Variants in PFKFB4 observed in about 807,000 individuals in gnomAD.
PFKFB4 encodes 6-phosphofructo-2-kinase/fructose-2,6-bisphosphatase 4.
PFKFB4 carries 42 observed loss-of-function variants against 62.8 expected under a neutral mutation model. That is an observed-to-expected ratio of 0.67 (90% CI 0.52 to 0.86). The LOEUF (loss-of-function observed/expected upper bound fraction) is 0.86. Ranked by LOEUF, PFKFB4 falls within the 40% of genes least tolerant of loss-of-function variation. The pLI is 0.00. For missense variants in PFKFB4, 475 were observed against 627.2 expected (o/e 0.76, Z 2.59); for synonymous variants, 204 against 240.7 (o/e 0.85, Z 1.41).
chr3:48,554,737 T>C (rs1343008569), intron 1 of PFKFB4, among the ~76,000 whole-genome samples: 1 of 152,176 alleles, frequency 6.6e-6, no homozygotes, highest in East Asian at 1.9e-4. Context: ...CCTCCGCTTA[T>C]TGAGGACCTA....
upstream of PFKFB4, among the ~76,000 whole-genome samples, chr3:48,560,513 C>T (rs530025919): frequency 2.0e-5 from 3 of 152,328 alleles, no homozygotes; most frequent in South Asian, 6.2e-4. Context: ...TGCCACAGGG[C>T]GTACAGTAGG....
chr3:48,531,451 T>A (rs1047560227), intron 9 of PFKFB4, among the ~76,000 whole-genome samples: 21 of 149,186 alleles, frequency 1.4e-4, no homozygotes, highest in Admixed American at 3.3e-4. Flanking sequence ...TTTTTTTTTT[T>A]AATTTTGAGA....
chr3:48,530,647 A>G (rs2042400074), intron 9 of PFKFB4, among the ~76,000 whole-genome samples: 1 of 152,194 alleles, frequency 6.6e-6, no homozygotes, highest in African/African-American at 2.4e-5. Context: ...TGATGAAAAA[A>G]GCTCTTGGGC....
upstream of PFKFB4, chr3:48,562,901 G>T (rs747949979): frequency 6.2e-6 from 10 of 1,605,376 alleles, no homozygotes; most frequent in African/African-American, 1.3e-4. The surrounding 1 kb of genome is among the most constrained non-coding windows in gnomAD (Gnocchi z 4.3). Context: ...GACATCCAGC[G>T]ATAGGACAAT....
At chr3:48,552,527 A>C (rs2043186943) in intron 1 of PFKFB4, among the ~76,000 whole-genome samples, 1 of 152,248 alleles carries the variant, frequency 6.6e-6, no homozygotes, top group East Asian at 1.9e-4. Flanking sequence ...AGGTGAGAGG[A>C]AAACAAGTTA....
At chr3:48,525,151 G>A (rs1272795920) in intron 10 of PFKFB4, among the ~76,000 whole-genome samples, 1 of 152,188 alleles carries the variant, frequency 6.6e-6, no homozygotes, top group African/African-American at 2.4e-5. Context: ...GGAAAGGGCT[G>A]ACAACTCGCT....
At chr3:48,548,041 G>C (rs2043017633) in intron 3 of PFKFB4, 1 of 152,242 alleles carries the variant, frequency 6.6e-6, no homozygotes, top group Admixed American at 6.5e-5. Context: ...GCAGCAATGA[G>C]CCTGTCCCCA....
intron 1 of PFKFB4, among the ~76,000 whole-genome samples, chr3:48,553,640 G>A (rs1235725969): frequency 6.6e-6 from 1 of 152,230 alleles, no homozygotes; most frequent in East Asian, 1.9e-4. Flanking sequence ...GCCTGGCAAT[G>A]GGCAGTGTCT....
upstream of PFKFB4, chr3:48,559,831 A>C (rs2043404237): frequency 5.8e-6 from 2 of 343,890 alleles, no homozygotes; most frequent in Non-Finnish European, 1.2e-5. Context: ...GCCAGTTCTC[A>C]AAGCTCAAAC....
chr3:48,549,972 G>A lies in PFKFB4; in HGVS notation c.215-12C>T, dbSNP rs892498478. ...GCCAACATTGAACTCTGGAGGGAAGGAGAGGCTCAGCTTTCACAGCAACAG... is the reference window on the plus strand; with the variant it reads ...GCCAACATTGAACTCTGGAGGGAAGAAGAGGCTCAGCTTTCACAGCAACAG... On this transcript the variant is annotated splice_polypyrimidine_tract_variant and intron_variant, in intron 2 of 13. Transcript: ENST00000232375. 6.3e-7 allele frequency: 1 copy of A among 1,599,534 alleles called. No individual in the cohort carries two copies. Among genetic ancestry groups the A allele is most frequent in the Non-Finnish European group, 8.6e-7 (1 of 1,166,668 alleles).
At chr3:48,539,453 G>T in intron 5 of PFKFB4, 143 bp from the exon 6 acceptor site, 2 of 789,372 alleles carry the variant, frequency 2.5e-6, no homozygotes, top group South Asian at 1.5e-5. Flanking sequence ...GCTTCAGAGG[G>T]CTGGAGGCGG....
rs997617535 is a variant in PFKFB4 at position 48,519,468 on chromosome 3, C to T, written c.*279G>A. Reference sequence around the variant, plus strand: ...CGAGAGTGAACACCTAAGAGCTGCGCCGGAAGAAACTGGGGCTGGGCAACC... The same window carrying T: ...CGAGAGTGAACACCTAAGAGCTGCGTCGGAAGAAACTGGGGCTGGGCAACC... On this transcript the variant is annotated 3_prime_UTR_variant, in exon 14 of 14. Transcript: ENST00000232375. 4.4e-6 allele frequency: 2 copies of T among 452,430 alleles called. No individual in the cohort carries two copies. The highest frequency in any genetic ancestry group is 3.9e-5 in the African/African-American group (2 of 50,830). The allele number at this position is 452,430 out of a possible 1,614,324, so 28.0% of individuals were successfully genotyped here.
At chr3:48,562,879 G>GTA, upstream of PFKFB4, 4 of 1,600,638 alleles carry the variant, frequency 2.5e-6, no homozygotes, top group Non-Finnish European at 3.4e-6. The surrounding 1 kb of genome is among the most constrained non-coding windows in gnomAD (Gnocchi z 4.3). Context: ...AGATCTGCAA[G>GTA]AGGCCGATGG....
intron 13 of PFKFB4, among the ~76,000 whole-genome samples, chr3:48,520,662 G>A (rs1435606404): frequency 1.3e-5 from 2 of 152,232 alleles, no homozygotes; most frequent in Non-Finnish European, 2.9e-5. Flanking sequence ...GGCTTCCTGA[G>A]GCGCCCCTTT....
At chr3:48,558,794 C>T (rs530733813), upstream of PFKFB4, among the ~76,000 whole-genome samples, 22 of 152,326 alleles carry the variant, frequency 1.4e-4, no homozygotes, top group African/African-American at 2.6e-4. Context: ...CATCCATGGG[C>T]GGCTCCTGAT....
chr3:48,553,640 G>T (rs1235725969), intron 1 of PFKFB4, among the ~76,000 whole-genome samples: 1 of 152,230 alleles, frequency 6.6e-6, no homozygotes, highest in Non-Finnish European at 1.5e-5. Context: ...GCCTGGCAAT[G>T]GGCAGTGTCT....
Position 48,518,691 on chromosome 3 carries a change from C to G in PFKFB4, c.*1056G>C, listed in dbSNP as rs2041992257. The G allele has an allele frequency of 6.6e-6, 1 of 152,274 alleles. No individual in the cohort carries two copies. Among genetic ancestry groups the G allele is most frequent in the Admixed American group, 6.5e-5 (1 of 15,286 alleles). 9.4% of individuals were successfully genotyped at this position (152,274 alleles called of 1,614,324 possible). On this transcript the variant is annotated 3_prime_UTR_variant, in exon 14 of 14. Transcript: ENST00000232375. ...GGACTGCCTATGGGTTCTGCCTTCT[C>G]CCTTCCTCAGACCCACAGGCAGAAG...
chr3:48,546,762 T>C (rs1159898587), intron 3 of PFKFB4, among the ~76,000 whole-genome samples: 1 of 152,236 alleles, frequency 6.6e-6, no homozygotes, highest in African/African-American at 2.4e-5. Context: ...TTATCTGCTT[T>C]CCTTCTGGGA....
chr3:48,539,437 A>G lies in PFKFB4; in HGVS notation c.454-127T>C. 3.5e-6 allele frequency: 3 copies of G among 866,430 alleles called. No individual in the cohort carries two copies. The South Asian group carries it at 4.3e-5, about 12-fold the overall frequency. 53.7% of individuals were successfully genotyped at this position (866,430 alleles called of 1,614,324 possible). The stretch of plus-strand genomic sequence containing the variant: ...ATGCTGACAAGCAGCCAGGCCCTGA[A>G]ACCCTGCTTCAGAGGGCTGGAGGCG... On this transcript the variant is annotated intron_variant, in intron 5 of 13. Transcript: ENST00000232375.
Sources: gnomAD v4.1 joint callset for allele counts (sites outside exome capture counted in the v4.1 genomes callset) on GRCh38, gnomAD v4.1.1 for gene constraint, Gnocchi (gnomAD v3.1) non-coding constraint, MANE v1.5 for transcripts, NCBI Gene and HGNC (gene_info 2026-07-23, HGNC 2026-07-21) for gene names.